The following EYA2 variants were observed in gnomAD, a reference collection of about 807,000 sequenced individuals.
The protein encoded by EYA2 is protein phosphatase EYA2.
EYA2 carries 31 observed loss-of-function variants against 69.2 expected under a neutral mutation model. The ratio of observed to expected loss-of-function variants is 0.45; its 90% CI spans 0.34 to 0.60. The LOEUF is 0.60. Ranked by LOEUF, EYA2 falls within the 20% of genes least tolerant of loss-of-function variation. EYA2 has a pLI of 0.02. For synonymous variants in EYA2, 257 were observed against 279.4 expected (o/e 0.92, Z 0.80); for missense variants, 622 against 701.2 (o/e 0.89, Z 1.28).
intron 1 of EYA2, among the ~76,000 whole-genome samples, chr20:46,915,378 C>T (rs2146229663): frequency 6.6e-6 from 1 of 152,284 alleles, no homozygotes; most frequent in East Asian, 1.9e-4. Flanking sequence ...CTGGATACGC[C>T]ATTCTTTCCA....
intron 9 of EYA2, among the ~76,000 whole-genome samples, chr20:47,135,372 G>T (rs2033438340): frequency 1.3e-5 from 2 of 152,024 alleles, no homozygotes; most frequent in South Asian, 4.1e-4. Context: ...GTAAGAAGTG[G>T]AACTGGCCTT....
intron 1 of EYA2, among the ~76,000 whole-genome samples, chr20:46,947,755 G>C (rs1978548130): frequency 6.6e-6 from 1 of 152,142 alleles, no homozygotes; most frequent in African/African-American, 2.4e-5. Context: ...TTTCAATAGA[G>C]TGAAGAAGTG....
intron 4 of EYA2, among the ~76,000 whole-genome samples, chr20:47,013,122 G>A (rs936443371): frequency 2.0e-5 from 3 of 151,956 alleles, no homozygotes; most frequent in African/African-American, 7.3e-5. Flanking sequence ...GACAATTTTT[G>A]AGCACCTACT....
chr20:47,128,188 TC>T (rs929908326), intron 9 of EYA2, among the ~76,000 whole-genome samples: 1 of 152,160 alleles, frequency 6.6e-6, no homozygotes, highest in African/African-American at 2.4e-5. Flanking sequence ...GCAGAGCCAT[TC>T]CCGGCCTTTG....
At chr20:46,900,472 A>T (rs1366701947) in intron 1 of EYA2, among the ~76,000 whole-genome samples, 1 of 152,246 alleles carries the variant, frequency 6.6e-6, no homozygotes, top group Non-Finnish European at 1.5e-5. Flanking sequence ...TTTCTGCAGC[A>T]TGCATACTTT....
chr20:46,918,646 C>G (rs888806400), intron 1 of EYA2, among the ~76,000 whole-genome samples: 10 of 152,172 alleles, frequency 6.6e-5, no homozygotes, highest in African/African-American at 2.4e-4. Flanking sequence ...CCACTGAAAT[C>G]TTGAACCTCT....
chr20:47,000,400 C>A (rs968128862), intron 2 of EYA2, among the ~76,000 whole-genome samples: 2 of 152,188 alleles, frequency 1.3e-5, no homozygotes, highest in South Asian at 4.1e-4. Flanking sequence ...ACGTTGGTCT[C>A]CTGAGCCTCC....
In EYA2 at chr20:47,089,362, C is replaced by G; in HGVS notation, c.785C>G (p.Ala262Gly). 6.2e-7 allele frequency: 1 copy of G among 1,613,892 alleles called. No homozygotes were observed. Among genetic ancestry groups the G allele is most frequent in the Non-Finnish European group, 8.5e-7 (1 of 1,179,898 alleles). Reference sequence around the variant, plus strand: ...AAGAGGAGCAGTGACCCGTCCCCGGCAGGGGACAATGAGATTGAGGTAATC... The same window carrying G: ...AAGAGGAGCAGTGACCCGTCCCCGGGAGGGGACAATGAGATTGAGGTAATC... ...RSKRSSDPSP[A>G]GDNEIERVFV... The change falls in exon 8 of 16, where the codon GCA (alanine) becomes GGA (glycine). Residue 262 changes from alanine (A) to glycine (G), a missense_variant. Transcript: ENST00000327619.
At chr20:47,144,419 C>A (rs1028833886) in intron 10 of EYA2, among the ~76,000 whole-genome samples, 75 of 151,784 alleles carry the variant, frequency 4.9e-4, no homozygotes, top group African/African-American at 1.6e-3. Context: ...AAAAACAATT[C>A]TATTTCTCTT....
intron 1 of EYA2, among the ~76,000 whole-genome samples, chr20:46,901,917 A>G (rs960523351): frequency 2.6e-5 from 4 of 152,204 alleles, no homozygotes; most frequent in African/African-American, 9.7e-5. Context: ...CAAGCTGTCC[A>G]GTGCTCTCCT....
chr20:46,941,667 T>C (rs1397588706), intron 1 of EYA2, among the ~76,000 whole-genome samples: 1 of 152,212 alleles, frequency 6.6e-6, no homozygotes, highest in African/African-American at 2.4e-5. Flanking sequence ...CTCATGCCCT[T>C]ATCTTAAAGG....
chr20:47,128,811 T>G (rs1379318581), intron 9 of EYA2, among the ~76,000 whole-genome samples: 3 of 152,122 alleles, frequency 2.0e-5, no homozygotes, highest in Admixed American at 2.0e-4. Flanking sequence ...AGTTCACACA[T>G]ATTCATATAT....
intron 5 of EYA2, among the ~76,000 whole-genome samples, chr20:47,020,651 T>A (rs1983696259): frequency 6.6e-6 from 1 of 152,160 alleles, no homozygotes; most frequent in African/African-American, 2.4e-5. Flanking sequence ...ACAGAGTTGT[T>A]AAGAGTTCTG....
intron 1 of EYA2, among the ~76,000 whole-genome samples, chr20:46,926,531 TC>T (rs1293005966): frequency 6.6e-6 from 1 of 152,240 alleles, no homozygotes; most frequent in Non-Finnish European, 1.5e-5. Flanking sequence ...GTTCATGTCC[TC>T]AGTGGATTGG....
At chr20:46,904,387 A>T (rs977197843) in intron 1 of EYA2, among the ~76,000 whole-genome samples, 14 of 152,096 alleles carry the variant, frequency 9.2e-5, no homozygotes, top group African/African-American at 2.9e-4. Flanking sequence ...AAAACTGCCA[A>T]ACAGATTTAA....
chr20:46,915,225 C>T (rs1019300812), intron 1 of EYA2, among the ~76,000 whole-genome samples: 1 of 152,218 alleles, frequency 6.6e-6, no homozygotes, highest in Admixed American at 6.5e-5. Context: ...CACGTTTTTT[C>T]CTGATGAAAT....
chr20:46,999,075 A>G (rs1294146289), intron 2 of EYA2, among the ~76,000 whole-genome samples: 2 of 152,204 alleles, frequency 1.3e-5, no homozygotes, highest in Middle Eastern at 3.2e-3. Context: ...AAATCATGCC[A>G]TGGAGATTGG....
intron 4 of EYA2, among the ~76,000 whole-genome samples, chr20:47,008,478 C>G (rs1045332939): frequency 6.6e-6 from 1 of 152,208 alleles, no homozygotes; most frequent in Non-Finnish European, 1.5e-5. Context: ...CTTTTTTCCC[C>G]TGCTGTGCTA....
At chr20:47,178,358 G>T (rs927102969) in intron 12 of EYA2, among the ~76,000 whole-genome samples, 1 of 151,068 alleles carries the variant, frequency 6.6e-6, no homozygotes, top group Non-Finnish European at 1.5e-5. Flanking sequence ...AAAAGACAAG[G>T]CCCAAATGCA....
Sources: allele counts gnomAD v4.1 joint callset (sites outside exome capture counted in the v4.1 genomes callset), GRCh38; gene constraint gnomAD v4.1.1; transcripts MANE v1.5; gene names NCBI Gene and HGNC (gene_info 2026-07-23, HGNC 2026-07-21).